ADGRL3: variants seen among roughly 807,000 people sequenced by gnomAD.
The protein encoded by ADGRL3 is calcium-independent alpha-latrotoxin receptor 3.
ADGRL3 carries 62 observed loss-of-function variants against 153.5 expected under a neutral mutation model. The observed-to-expected ratio is 0.40, with a 90% CI of 0.33 to 0.50. The LOEUF (loss-of-function observed/expected upper bound fraction) is 0.50, where lower values mean the gene tolerates loss of function less well. ADGRL3 is among the 20% of genes least tolerant of loss of function. ADGRL3 has a pLI of 0.47. For missense variants in ADGRL3, 1,641 were observed against 1,859.4 expected, an observed-to-expected ratio of 0.88 and a Z score of 2.16; for synonymous variants, 710 against 672.5, an observed-to-expected ratio of 1.06 and a Z score of -0.86.
At chr4:61,623,318 A>G (rs1035915231) in intron 5 of ADGRL3, among the ~76,000 whole-genome samples, 1 of 152,098 alleles carries the variant, frequency 6.6e-6, no homozygotes, top group African/African-American at 2.4e-5. Context: ...TGACTTTCCA[A>G]GAGACCATCC....
At chr4:62,020,423 G>A (rs1403150770) in intron 21 of ADGRL3, among the ~76,000 whole-genome samples, 1 of 151,566 alleles carries the variant, frequency 6.6e-6, no homozygotes, top group African/African-American at 2.4e-5. Flanking sequence ...CTCAATATAA[G>A]TAGAAAATAC....
chr4:61,222,894 A>T (rs977606980), intron 1 of ADGRL3, among the ~76,000 whole-genome samples: 7 of 152,158 alleles, frequency 4.6e-5, no homozygotes, highest in African/African-American at 1.7e-4. Flanking sequence ...TATGGTTATA[A>T]TTATTGATTT....
At chr4:61,925,323 T>C (rs2098789823) in intron 13 of ADGRL3, among the ~76,000 whole-genome samples, 1 of 152,192 alleles carries the variant, frequency 6.6e-6, no homozygotes, top group South Asian at 2.1e-4. Flanking sequence ...ATTTTGTTAG[T>C]GTTTCTGTAC....
chr4:62,052,946 T>G (rs1734987827), intron 25 of ADGRL3, among the ~76,000 whole-genome samples: 1 of 151,540 alleles, frequency 6.6e-6, no homozygotes, highest in Admixed American at 6.6e-5. Flanking sequence ...ATTGTATTGC[T>G]AATTCTGGTT....
At chr4:61,532,549 C>CGTGTGTGTGTGT (rs373230592) in intron 4 of ADGRL3, among the ~76,000 whole-genome samples, 2 of 103,700 alleles carry the variant, frequency 1.9e-5, no homozygotes, top group African/African-American at 3.9e-5. Flanking sequence ...CGCGCGCGCG[C>CGTGTGTGTGTGT]GCGCGCGTGT....
intron 17 of ADGRL3, among the ~76,000 whole-genome samples, chr4:61,957,575 A>G (rs964465287): frequency 1.3e-5 from 2 of 149,472 alleles, no homozygotes; most frequent in Non-Finnish European, 3.0e-5. Flanking sequence ...TTATTTATTT[A>G]TTTATTTATT....
chr4:61,689,382 A>G (rs968375264), intron 6 of ADGRL3, among the ~76,000 whole-genome samples: 3 of 152,150 alleles, frequency 2.0e-5, no homozygotes, highest in African/African-American at 7.2e-5. Context: ...TACTGTCTCT[A>G]GATAGTAACA....
At chr4:61,456,856 A>G (rs1289457100) in intron 2 of ADGRL3, among the ~76,000 whole-genome samples, 3 of 151,996 alleles carry the variant, frequency 2.0e-5, no homozygotes, top group Non-Finnish European at 4.4e-5. Context: ...ATCAATTTTT[A>G]TTCTAAATTT....
chr4:61,903,068 C>A (rs987543111), intron 11 of ADGRL3, among the ~76,000 whole-genome samples: 2 of 152,182 alleles, frequency 1.3e-5, no homozygotes, highest in African/African-American at 4.8e-5. Flanking sequence ...TAGCTAGACA[C>A]AAACACATGG....
At chr4:61,433,394 A>G (rs150264512) in intron 2 of ADGRL3, among the ~76,000 whole-genome samples, 393 of 150,760 alleles carry the variant, frequency 2.6e-3, no homozygotes, top group African/African-American at 8.9e-3. Flanking sequence ...CTCTCTCCCT[A>G]CTAAAGCTAT....
intron 19 of ADGRL3, among the ~76,000 whole-genome samples, chr4:61,988,282 T>C (rs1326118051): frequency 1.3e-5 from 2 of 152,158 alleles, no homozygotes; most frequent in African/African-American, 4.8e-5. Context: ...GAACTAACAT[T>C]TGGTTAAAAT....
At chr4:61,277,605 T>C (rs974561818) in intron 1 of ADGRL3, among the ~76,000 whole-genome samples, 1 of 151,990 alleles carries the variant, frequency 6.6e-6, no homozygotes, top group Non-Finnish European at 1.5e-5. Context: ...GGGAAAAAAA[T>C]GCTTGAATAG....
In ADGRL3 at chr4:61,616,888, C is replaced by T. The variant is rs372300092; in HGVS notation, c.473+29448C>T. On this transcript the variant is annotated intron_variant, in intron 5 of 26. Transcript: ENST00000683033. ...CAGCCTGATCTCAAACTCCTGGCCT[C>T]GAGCAATACTTCTGCCTCAGCCTCC... Among the ~76,000 whole-genome samples, 8 of 151,930 alleles carry T rather than the reference C, an allele frequency of 5.3e-5. No homozygotes were observed. In the East Asian group the frequency reaches 5.8e-4, roughly 11 times the overall value.
chr4:61,686,807 C>A (rs951888726), intron 6 of ADGRL3, among the ~76,000 whole-genome samples: 3 of 152,000 alleles, frequency 2.0e-5, no homozygotes, highest in African/African-American at 7.2e-5. Flanking sequence ...CTCACTCCTC[C>A]CCATCTTCCA....
At chr4:61,867,149 A>G (rs956178466) in intron 9 of ADGRL3, among the ~76,000 whole-genome samples, 10 of 152,080 alleles carry the variant, frequency 6.6e-5, no homozygotes, top group African/African-American at 2.4e-4. Context: ...GGAATTTTGC[A>G]TTATTACAAT....
intron 4 of ADGRL3, among the ~76,000 whole-genome samples, chr4:61,581,922 A>G (rs971193499): frequency 6.6e-6 from 1 of 152,004 alleles, no homozygotes. Context: ...TATCTTTATT[A>G]CTATGAAATA....
intron 1 of ADGRL3, among the ~76,000 whole-genome samples, chr4:61,210,342 C>T (rs1350179637): frequency 2.0e-5 from 3 of 152,050 alleles, no homozygotes; most frequent in East Asian, 1.9e-4. Context: ...TTACGCATCC[C>T]GCAGAGGCAG....
At chr4:61,603,340 G>A (rs1458401298) in intron 5 of ADGRL3, among the ~76,000 whole-genome samples, 3 of 152,104 alleles carry the variant, frequency 2.0e-5, no homozygotes, top group East Asian at 3.9e-4. Context: ...CAAACTCTTA[G>A]GGAAGGGTTT....
intron 5 of ADGRL3, among the ~76,000 whole-genome samples, chr4:61,591,373 C>T (rs1040343398): frequency 1.3e-5 from 2 of 152,140 alleles, no homozygotes; most frequent in Admixed American, 1.3e-4. Flanking sequence ...CAGTAAGATT[C>T]TGCATGCCAA....
Sources: allele counts gnomAD v4.1 joint callset (sites outside exome capture counted in the v4.1 genomes callset), GRCh38; gene constraint gnomAD v4.1.1; transcripts MANE v1.5; gene names NCBI Gene and HGNC (gene_info 2026-07-23, HGNC 2026-07-21).